Variants in EFCAB13 observed in about 807,000 individuals in gnomAD.
The protein encoded by EFCAB13 is EF-hand calcium binding domain 13.
A neutral mutation model predicts 110.2 loss-of-function variants in EFCAB13; 91 were observed. The ratio of observed to expected loss-of-function variants is 0.83; its 90% CI spans 0.70 to 0.98. The LOEUF (loss-of-function observed/expected upper bound fraction) is 0.98. Among genes scored for constraint, EFCAB13 ranks in the 50% least tolerant of loss-of-function variants. EFCAB13 has a pLI of 0.00. For missense variants in EFCAB13, 968 were observed against 1,119.4 expected, an observed-to-expected ratio of 0.86 and a Z score of 1.93; for synonymous variants, 323 against 369.9, an observed-to-expected ratio of 0.87 and a Z score of 1.45.
In EFCAB13 at chr17:47,379,168, C is replaced by G. The variant is rs993112454; in HGVS notation, c.1511-14C>G. 6.2e-7 allele frequency: 1 copy of G among 1,608,076 alleles called. No individual in the cohort carries two copies. The highest frequency in any genetic ancestry group is 8.5e-7 in the Non-Finnish European group (1 of 1,175,346). On this transcript the variant is annotated splice_polypyrimidine_tract_variant and intron_variant, in intron 13 of 24. Coordinates refer to ENST00000331493, the MANE Select transcript of EFCAB13 (RefSeq NM_152347.5). ...TACACCAGAATGTATAATCTAAACT[C>G]TTTTTAAAAACAGAGAATGGAATGG... is the stretch of plus-strand genomic sequence containing the variant.
At chr17:47,348,191 G>C (rs973041971) in intron 9 of EFCAB13, among the ~76,000 whole-genome samples, 6 of 151,062 alleles carry the variant, frequency 4.0e-5, no homozygotes, top group Non-Finnish European at 7.4e-5. Flanking sequence ...CTGGATTATG[G>C]CATATTCTCA....
chr17:47,409,533 A>G, intron 20 of EFCAB13, 114 bp from the exon 21 acceptor site: 1 of 795,004 alleles, frequency 1.3e-6, no homozygotes, highest in Non-Finnish European at 2.1e-6. Context: ...ATGGTTATCA[A>G]TGATAAATGT....
At chr17:47,336,194 A>G (rs1430310233) in intron 5 of EFCAB13, among the ~76,000 whole-genome samples, 1 of 149,488 alleles carries the variant, frequency 6.7e-6, no homozygotes, top group African/African-American at 2.5e-5. Flanking sequence ...TGGCGCAGCC[A>G]TGGCTCACTG....
chr17:47,437,565 G>A (rs1905236757), intron 24 of EFCAB13, among the ~76,000 whole-genome samples: 1 of 152,124 alleles, frequency 6.6e-6, no homozygotes, highest in African/African-American at 2.4e-5. Context: ...CTTGTCTGAT[G>A]TAAGGATAGC....
At chr17:47,439,553 T>G (rs951861924) in intron 24 of EFCAB13, among the ~76,000 whole-genome samples, 8 of 152,176 alleles carry the variant, frequency 5.3e-5, no homozygotes, top group Non-Finnish European at 8.8e-5. Flanking sequence ...TATATGCAAA[T>G]ACAAATGTTT....
chr17:47,406,013 T>TTA (rs1203073266), intron 20 of EFCAB13, among the ~76,000 whole-genome samples: 6 of 152,180 alleles, frequency 3.9e-5, no homozygotes, highest in Non-Finnish European at 1.5e-5. Context: ...TAGGCTATTA[T>TTA]TATGGTTATT....
intron 24 of EFCAB13, among the ~76,000 whole-genome samples, chr17:47,437,903 CT>C (rs756751447): frequency 1.3e-5 from 2 of 152,006 alleles, no homozygotes; most frequent in African/African-American, 2.4e-5. Context: ...TAAAAATGTT[CT>C]GTTTTGATGT....
intron 10 of EFCAB13, among the ~76,000 whole-genome samples, chr17:47,366,156 A>G (rs990937566): frequency 1.3e-5 from 2 of 152,130 alleles, no homozygotes; most frequent in African/African-American, 4.8e-5. Context: ...GATGTTTGCA[A>G]TGAGGGAGAA....
intron 23 of EFCAB13, among the ~76,000 whole-genome samples, chr17:47,427,582 A>G (rs952276702): frequency 1.3e-5 from 2 of 152,074 alleles, no homozygotes; most frequent in Non-Finnish European, 2.9e-5. Context: ...TAGAAGTTGT[A>G]AGAATTGAGA....
chr17:47,421,079 G>T (rs1306631101), intron 23 of EFCAB13, among the ~76,000 whole-genome samples: 1 of 151,504 alleles, frequency 6.6e-6, no homozygotes, highest in Non-Finnish European at 1.5e-5. Flanking sequence ...GGGCGCCTCT[G>T]CCCGGCCGCG....
chr17:47,324,866 G>A (rs958163762), intron 2 of EFCAB13, among the ~76,000 whole-genome samples: 4 of 148,208 alleles, frequency 2.7e-5, no homozygotes, highest in Admixed American at 2.0e-4. Flanking sequence ...CTACCCTACT[G>A]GCTGGGTTCA....
chr17:47,426,821 G>A (rs1196862194), intron 23 of EFCAB13, among the ~76,000 whole-genome samples: 4 of 152,138 alleles, frequency 2.6e-5, no homozygotes, highest in Non-Finnish European at 5.9e-5. Flanking sequence ...TTGGATTTTA[G>A]ATTCGTTTTC....
chr17:47,377,257 G>A (rs1389941082), intron 12 of EFCAB13, among the ~76,000 whole-genome samples: 1 of 152,100 alleles, frequency 6.6e-6, no homozygotes, highest in Non-Finnish European at 1.5e-5. Context: ...TGCCTCCCGG[G>A]TTCAAGTGAT....
chr17:47,353,874 A>G (rs974684922), intron 9 of EFCAB13, among the ~76,000 whole-genome samples: 1 of 151,452 alleles, frequency 6.6e-6, no homozygotes, highest in Non-Finnish European at 1.5e-5. Context: ...TTTCAGTTTC[A>G]TGTAGTTCTT....
Position 47,335,300 on chromosome 17 carries a change from A to G in EFCAB13, c.135A>G (p.Thr45=). The G allele has an allele frequency of 6.2e-7, 1 of 1,608,570 alleles. No homozygotes were observed. Reference sequence around the variant, plus strand: ...AGAAATACATCAAGTTTTCTAAAACAATAGAGAAGGAAATTTCACCGGAAA... The same window carrying G: ...AGAAATACATCAAGTTTTCTAAAACGATAGAGAAGGAAATTTCACCGGAAA... ...NHKKYIKFSK[T]IEKEISPEIR... is the part of the protein sequence containing the mutation. Residue 45 remains threonine, a synonymous_variant, in exon 5 of 25, where the codon ACA becomes ACG. Coordinates refer to ENST00000331493, the MANE Select transcript of EFCAB13 (RefSeq NM_152347.5).
chr17:47,391,516 A>C lies in EFCAB13; in HGVS notation c.1662A>C (p.Gln554His). 1 of 1,594,554 alleles carries C rather than the reference A, an allele frequency of 6.3e-7. No individual in the cohort carries two copies. The highest frequency in any genetic ancestry group is 2.3e-5 in the East Asian group (1 of 43,750). Reference protein sequence around the residue: ...VDYEDLNTCLQNFGIYLSKPE... With the variant: ...VDYEDLNTCLHNFGIYLSKPE... ...ATGAGGATCTAAATACTTGTCTTCA[A>C]AATTTTGGTATTTACCTTTCTAAGC... Residue 554 changes from glutamine to histidine, a missense_variant, in exon 15 of 25, where the codon CAA becomes CAC. Gln to His is a conservative substitution (Grantham distance 24). Transcript: ENST00000331493.
chr17:47,390,088 G>A (rs1598745928), intron 14 of EFCAB13, among the ~76,000 whole-genome samples: 1 of 152,104 alleles, frequency 6.6e-6, no homozygotes, highest in Non-Finnish European at 1.5e-5. Context: ...GTTTATACCT[G>A]GTAATGGCTT....
At chr17:47,439,156 T>C (rs933078195) in intron 24 of EFCAB13, among the ~76,000 whole-genome samples, 1 of 150,700 alleles carries the variant, frequency 6.6e-6, no homozygotes, top group Non-Finnish European at 1.5e-5. Flanking sequence ...GCCACCTGAG[T>C]TTCCTCTTTG....
At chr17:47,411,892 G>A (rs1308291329) in intron 21 of EFCAB13, among the ~76,000 whole-genome samples, 10 of 152,166 alleles carry the variant, frequency 6.6e-5, no homozygotes, top group Admixed American at 2.0e-4. Flanking sequence ...AGGAGTTCGA[G>A]ACCAGTCTGG....
Sources: allele counts gnomAD v4.1 joint callset (sites outside exome capture counted in the v4.1 genomes callset), GRCh38; gene constraint gnomAD v4.1.1; transcripts MANE v1.5; gene names NCBI Gene and HGNC (gene_info 2026-07-23, HGNC 2026-07-21).